The following RAB11FIP3 variants were observed in gnomAD, a reference collection of about 807,000 sequenced individuals.
RAB11FIP3 encodes the protein RAB11 family interacting protein 3.
Under a neutral mutation model 77.8 loss-of-function variants are expected in RAB11FIP3, and 17 were observed. The ratio of observed to expected loss-of-function variants is 0.22; its 90% CI spans 0.15 to 0.33. The LOEUF (loss-of-function observed/expected upper bound fraction) is 0.33. Ranked by LOEUF, RAB11FIP3 falls within the 10% of genes least tolerant of loss-of-function variation. The pLI, the probability that RAB11FIP3 is intolerant of heterozygous loss-of-function variation, is 1.00. For synonymous variants in RAB11FIP3, 437 were observed against 448.2 expected (o/e 0.98, Z 0.31); for missense variants, 1,005 against 1,011.2 (o/e 0.99, Z 0.08).
intron 9 of RAB11FIP3, among the ~76,000 whole-genome samples, chr16:516,576 A>G (rs1185862945): frequency 1.3e-5 from 2 of 152,216 alleles, no homozygotes; most frequent in Admixed American, 1.3e-4. Flanking sequence ...ATAAATTATC[A>G]TCAACGAACA....
At chr16:443,836 T>A (rs990000483) in intron 1 of RAB11FIP3, among the ~76,000 whole-genome samples, 26 of 152,222 alleles carry the variant, frequency 1.7e-4, no homozygotes, top group African/African-American at 6.3e-4. Flanking sequence ...AGTGCTGGGA[T>A]TACAGGCATG....
rs1331744687 is a variant in RAB11FIP3, at chr16:426,041, C to T, written c.35C>T (p.Ser12Leu). 6 of 996,254 alleles carry T rather than the reference C, an allele frequency of 6.0e-6. No individual in the cohort carries two copies. Among genetic ancestry groups the T allele is most frequent in the Non-Finnish European group, 7.2e-6 (6 of 838,888 alleles). 61.7% of individuals were successfully genotyped at this position (996,254 alleles called of 1,614,324 possible). A position where few individuals can be genotyped will look rare whatever the true frequency, so the allele number is the denominator to read the frequency against. Reference protein sequence around the residue: ...ASAPPASPPGSEPPGPDPEPG... With the variant: ...ASAPPASPPGLEPPGPDPEPG... ...GCCCCGCCGGCCTCGCCCCCGGGCTCGGAGCCGCCGGGGCCCGACCCGGAG... is the reference window on the plus strand; with the variant it reads ...GCCCCGCCGGCCTCGCCCCCGGGCTTGGAGCCGCCGGGGCCCGACCCGGAG... The change falls in exon 1 of 14, where the codon TCG becomes TTG. Residue 12 changes from serine to leucine, a missense_variant. This residue lies in a region of RAB11FIP3 where 466 missense variants were observed against 408.3 expected (regional missense o/e 1.14). Transcript: ENST00000262305. This position sits in a 1 kb window ranked among gnomAD's most constrained non-coding sequence, Gnocchi z 5.0.
rs779908777 is a variant in RAB11FIP3, at chr16:519,927, C to T, written c.1860+36C>T. On this transcript the variant is annotated intron_variant, in intron 11 of 13. Transcript: ENST00000262305. ...ACCCTGCCCCACGCCCAGTCCTGCGCCCAGCCTGCCCCACGGGGAGCCTTT... is the reference window on the plus strand; with the variant it reads ...ACCCTGCCCCACGCCCAGTCCTGCGTCCAGCCTGCCCCACGGGGAGCCTTT... 5 of 1,541,886 alleles carry T rather than the reference C, an allele frequency of 3.2e-6. No homozygotes were observed. The South Asian group carries it at 6.0e-5, about 19-fold the overall frequency.
At position 426,726 on chromosome 16, in the gene RAB11FIP3, G is replaced by C; in HGVS notation, c.714+6G>C. 1 of 1,479,438 alleles carries C rather than the reference G, an allele frequency of 6.8e-7. No homozygotes were observed. Among genetic ancestry groups the C allele is most frequent in the Non-Finnish European group, 9.0e-7 (1 of 1,114,042 alleles). The allele number at this position is 1,479,438 out of a possible 1,614,324, so 91.6% of individuals were successfully genotyped here. A position where few individuals can be genotyped will look rare whatever the true frequency, so the allele number is the denominator to read the frequency against. On this transcript the variant is annotated splice_donor_region_variant and intron_variant, in intron 1 of 13. Coordinates refer to ENST00000262305, the MANE Select transcript of RAB11FIP3 (RefSeq NM_014700.4). This position sits in a 1 kb window ranked among gnomAD's most constrained non-coding sequence, Gnocchi z 5.0. ...CGGTCTACGGGGCAGAGCAGGTACG[G>C]AGCGGCCCGGGCCGGGGCGTGGGAA... is the stretch of plus-strand genomic sequence containing the variant.
At chr16:519,387 G>C (rs1281564035) in intron 10 of RAB11FIP3, among the ~76,000 whole-genome samples, 1 of 152,194 alleles carries the variant, frequency 6.6e-6, no homozygotes, top group Non-Finnish European at 1.5e-5. Context: ...ACCTCACCAG[G>C]TGTGCTCTGG....
chr16:469,618 GACCTT>G (rs774973525), intron 2 of RAB11FIP3, among the ~76,000 whole-genome samples: 6 of 148,048 alleles, frequency 4.1e-5, no homozygotes, highest in Non-Finnish European at 7.4e-5. Flanking sequence ...TAGAACTCCT[GACCTT>G]AAGTGATCCG....
Position 426,068 on chromosome 16 carries a change from C to G in RAB11FIP3, c.62C>G (p.Pro21Arg), listed in dbSNP as rs1364733968. Residue 21 changes from proline (P) to arginine (R), a missense_variant, in exon 1 of 14, where the codon CCG becomes CGG. By Grantham distance (103) the Pro-to-Arg change is moderately radical. Transcript: ENST00000262305. This position sits in a 1 kb window ranked among gnomAD's most constrained non-coding sequence, Gnocchi z 5.0. ...GSEPPGPDPEPGGPDGPGAAQ... is the reference protein window; with the variant it reads ...GSEPPGPDPERGGPDGPGAAQ... ...GAGCCGCCGGGGCCCGACCCGGAGC[C>G]GGGCGGGCCGGACGGGCCGGGGGCG... is the stretch of plus-strand genomic sequence containing the variant. The G allele has an allele frequency of 1.0e-6, 1 of 1,000,336 alleles. No individual in the cohort carries two copies. Among genetic ancestry groups the G allele is most frequent in the Non-Finnish European group, 1.2e-6 (1 of 841,378 alleles). 62.0% of individuals were successfully genotyped at this position (1,000,336 alleles called of 1,614,324 possible).
At chr16:497,892 G>A (rs886317655) in intron 6 of RAB11FIP3, among the ~76,000 whole-genome samples, 7 of 148,098 alleles carry the variant, frequency 4.7e-5, no homozygotes, top group East Asian at 3.9e-4. Context: ...TTTCTGACTC[G>A]GTTTCTTTGG....
chr16:447,372 A>C (rs2055334568), intron 1 of RAB11FIP3, among the ~76,000 whole-genome samples: 1 of 152,146 alleles, frequency 6.6e-6, no homozygotes, highest in Non-Finnish European at 1.5e-5. Flanking sequence ...GCTGGAGTTC[A>C]GTGGCACAGT....
chr16:453,654 G>A (rs1157389213), intron 1 of RAB11FIP3, among the ~76,000 whole-genome samples: 4 of 148,412 alleles, frequency 2.7e-5, no homozygotes, highest in Non-Finnish European at 5.9e-5. Context: ...GCAGTGGCGC[G>A]ATCTTGGCTC....
intron 1 of RAB11FIP3, among the ~76,000 whole-genome samples, chr16:449,672 C>T (rs550162094): frequency 1.3e-5 from 2 of 148,758 alleles, no homozygotes; most frequent in South Asian, 2.1e-4. Context: ...AAGTTTTAGG[C>T]CGGGTGCAGT....
At chr16:468,327 C>T (rs67956129) in intron 2 of RAB11FIP3, among the ~76,000 whole-genome samples, 1 of 53,626 alleles carries the variant, frequency 1.9e-5, no homozygotes, top group Non-Finnish European at 4.1e-5. Context: ...GTCAGGGAGG[C>T]GGTGCTGCCA....
intron 5 of RAB11FIP3, among the ~76,000 whole-genome samples, chr16:493,750 G>T (rs917669295): frequency 6.7e-6 from 1 of 149,140 alleles, no homozygotes; most frequent in Non-Finnish European, 1.5e-5. Context: ...GGGACTACAG[G>T]CGCCCATCAC....
intron 1 of RAB11FIP3, among the ~76,000 whole-genome samples, chr16:433,934 G>C (rs1463428276): frequency 2.0e-5 from 3 of 151,790 alleles, no homozygotes; most frequent in African/African-American, 4.8e-5. Context: ...TGGACACTTA[G>C]ATTGATTCCA....
At chr16:433,396 C>G (rs1181109483) in intron 1 of RAB11FIP3, among the ~76,000 whole-genome samples, 2 of 150,962 alleles carry the variant, frequency 1.3e-5, no homozygotes, top group Non-Finnish European at 2.9e-5. Context: ...ATCAATCGCT[C>G]TATTCTCTAC....
chr16:459,379 G>C (rs1007161898), intron 1 of RAB11FIP3, among the ~76,000 whole-genome samples: 2 of 149,978 alleles, frequency 1.3e-5, no homozygotes, highest in Non-Finnish European at 1.5e-5. Flanking sequence ...GCCTGCTTCA[G>C]CCTCCCAAAG....
chr16:512,539 CTTTT>C (rs766027431), intron 9 of RAB11FIP3, among the ~76,000 whole-genome samples: 4 of 105,612 alleles, frequency 3.8e-5, no homozygotes, highest in Non-Finnish European at 7.5e-5. Context: ...CGCGCCCGGC[CTTTT>C]TTTTTTTTTT....
At chr16:468,224 G>A (rs1328778767) in intron 2 of RAB11FIP3, among the ~76,000 whole-genome samples, 8 of 132,330 alleles carry the variant, frequency 6.0e-5, no homozygotes, top group South Asian at 2.4e-4. Context: ...AGGTGCTGGG[G>A]CGTCAGGGAG....
At chr16:512,770 T>C (rs553738259) in intron 9 of RAB11FIP3, among the ~76,000 whole-genome samples, 6 of 151,788 alleles carry the variant, frequency 4.0e-5, no homozygotes, top group Admixed American at 3.9e-4. Context: ...CTTGAACTCC[T>C]GACCTCAGGT....
Sources: gnomAD v4.1 joint callset for allele counts (sites outside exome capture counted in the v4.1 genomes callset) on GRCh38, gnomAD v4.1.1 for gene constraint, gnomAD v4.1.1 regional missense constraint, Gnocchi (gnomAD v3.1) non-coding constraint, MANE v1.5 for transcripts, NCBI Gene and HGNC (gene_info 2026-07-23, HGNC 2026-07-21) for gene names.